Variants in TANC2 observed in about 807,000 individuals in gnomAD.
The protein encoded by TANC2 is tetratricopeptide repeat, ankyrin repeat and coiled-coil containing 2.
In TANC2, 26 loss-of-function variants were observed where a neutral mutation model predicts 210.5. The observed-to-expected ratio is 0.12, with a 90% CI of 0.09 to 0.17. The LOEUF (loss-of-function observed/expected upper bound fraction) is 0.17. Among genes scored for constraint, TANC2 ranks in the 10% least tolerant of loss-of-function variants. The pLI, the probability that TANC2 is intolerant of heterozygous loss-of-function variation, is 1.00. For missense variants in TANC2, 2,129 were observed against 2,608.9 expected (o/e 0.82, Z 4.01); for synonymous variants, 931 against 967.1 (o/e 0.96, Z 0.69).
chr17:63,401,198 C>T (rs890250652), intron 19 of TANC2, among the ~76,000 whole-genome samples: 3 of 152,254 alleles, frequency 2.0e-5, no homozygotes, highest in Admixed American at 6.5e-5. Context: ...AAATCCTATA[C>T]ATATTTTCAC....
In TANC2 at chr17:63,010,626, T is replaced by C. The variant is rs188259815; in HGVS notation, c.67+1000T>C. Among the ~76,000 whole-genome samples, 37 of 152,226 alleles carry C rather than the reference T, an allele frequency of 2.4e-4. No individual in the cohort carries two copies. In the East Asian group the frequency reaches 6.2e-3, roughly 25 times the overall value. ...GACTGCTTTCCACTTCAGACACCAA[T>C]TGCGTGTGGTGGATCCCCAGGTTAC... On this transcript the variant is annotated intron_variant, in intron 2 of 27. Coordinates refer to ENST00000689528, the Ensembl canonical transcript of TANC2.
chr17:63,315,785 G>A (rs1365856570), intron 10 of TANC2, among the ~76,000 whole-genome samples: 1 of 152,196 alleles, frequency 6.6e-6, no homozygotes, highest in East Asian at 1.9e-4. Context: ...TAGCAGCCTT[G>A]TATCATTAAG....
At chr17:62,993,719 G>A (rs2032977315) in intron 1 of TANC2, among the ~76,000 whole-genome samples, 1 of 152,110 alleles carries the variant, frequency 6.6e-6, no homozygotes, top group South Asian at 2.1e-4. Context: ...TTGAGGCCAG[G>A]AGTTTGAAAC....
chr17:63,203,658 G>A (rs2041606448), intron 7 of TANC2, among the ~76,000 whole-genome samples: 1 of 152,140 alleles, frequency 6.6e-6, no homozygotes, highest in African/African-American at 2.4e-5. Context: ...ATGGAAATAG[G>A]TGAAGTTTTG....
chr17:63,305,918 G>A (rs2044885679), intron 9 of TANC2, among the ~76,000 whole-genome samples: 1 of 152,222 alleles, frequency 6.6e-6, no homozygotes, highest in Admixed American at 6.5e-5. Context: ...GATAGCACAT[G>A]GTGGCAGGGT....
chr17:63,222,940 TACTC>T (rs1315992463), intron 7 of TANC2, among the ~76,000 whole-genome samples: 26 of 152,316 alleles, frequency 1.7e-4, no homozygotes, highest in African/African-American at 6.3e-4. Flanking sequence ...AATGGAAACT[TACTC>T]AGTGATGAAA....
chr17:62,994,392 A>G (rs1479360354), intron 1 of TANC2, among the ~76,000 whole-genome samples: 2 of 145,096 alleles, frequency 1.4e-5, no homozygotes, highest in Non-Finnish European at 3.0e-5. Flanking sequence ...GGGTTTTGCC[A>G]TGTTTGTCAG....
At chr17:63,175,403 T>C (rs2145602972) in intron 5 of TANC2, among the ~76,000 whole-genome samples, 1 of 152,108 alleles carries the variant, frequency 6.6e-6, no homozygotes, top group Middle Eastern at 3.4e-3. Context: ...GCTGTGTGCC[T>C]GTAGTCTCAG....
intron 14 of TANC2, among the ~76,000 whole-genome samples, chr17:63,365,453 G>GCCCT (rs1298731879): frequency 3.9e-5 from 6 of 152,076 alleles, no homozygotes; most frequent in Non-Finnish European, 7.4e-5. Flanking sequence ...CTCCCTTCTT[G>GCCCT]CCCTCTTCGA....
chr17:63,399,852 T>C (rs2048288752), intron 19 of TANC2, among the ~76,000 whole-genome samples: 1 of 152,228 alleles, frequency 6.6e-6, no homozygotes, highest in African/African-American at 2.4e-5. Context: ...CCTGACTTCT[T>C]TAACATCATG....
chr17:63,048,621 G>A (rs979900997), intron 2 of TANC2, among the ~76,000 whole-genome samples: 1 of 152,076 alleles, frequency 6.6e-6, no homozygotes, highest in African/African-American at 2.4e-5. Context: ...GTATGTGTGC[G>A]GCCTTATTTC....
intron 2 of TANC2, among the ~76,000 whole-genome samples, chr17:63,009,947 A>T (rs1346489370): frequency 6.6e-6 from 1 of 152,158 alleles, no homozygotes; most frequent in East Asian, 1.9e-4. Flanking sequence ...AAATTATTGC[A>T]ATCCTAGGCA....
chr17:63,406,856 C>A (rs1047625475), intron 21 of TANC2, among the ~76,000 whole-genome samples: 13 of 152,198 alleles, frequency 8.5e-5, no homozygotes, highest in African/African-American at 2.7e-4. Context: ...ATCACCTGTG[C>A]ATAACAGTGG....
chr17:63,163,846 T>C (rs2040111254), intron 5 of TANC2, among the ~76,000 whole-genome samples: 1 of 152,194 alleles, frequency 6.6e-6, no homozygotes, highest in South Asian at 2.1e-4. Flanking sequence ...AATCAGTAAA[T>C]ATAGTCCAAG....
At chr17:63,310,785 A>C (rs1020367343) in intron 9 of TANC2, among the ~76,000 whole-genome samples, 3 of 152,214 alleles carry the variant, frequency 2.0e-5, no homozygotes, top group Non-Finnish European at 4.4e-5. Flanking sequence ...AAGAATAATA[A>C]TACTACCCCG....
chr17:63,314,232 A>G (rs1567906722), intron 9 of TANC2, among the ~76,000 whole-genome samples, 156 bp from the exon 10 acceptor site: 1 of 152,214 alleles, frequency 6.6e-6, no homozygotes, highest in African/African-American at 2.4e-5. Flanking sequence ...GCTTATCTGT[A>G]TAGAATCAAC....
intron 2 of TANC2, among the ~76,000 whole-genome samples, chr17:63,035,800 C>T (rs1218736846): frequency 6.6e-6 from 1 of 152,192 alleles, no homozygotes; most frequent in Non-Finnish European, 1.5e-5. Flanking sequence ...TCCAGAGTAG[C>T]TGTACCCTTT....
chr17:63,153,816 C>G (rs182582657), intron 5 of TANC2: 1 of 152,174 alleles, frequency 6.6e-6, no homozygotes, highest in Non-Finnish European at 1.5e-5. Context: ...GAGAAATAGA[C>G]TTATATATTT....
chr17:63,313,341 T>C (rs1179768551), intron 9 of TANC2: 1 of 152,220 alleles, frequency 6.6e-6, no homozygotes, highest in Non-Finnish European at 1.5e-5. Context: ...TGATACGTCT[T>C]AGAGCTGCTC....
Sources: allele counts gnomAD v4.1 joint callset (sites outside exome capture counted in the v4.1 genomes callset), GRCh38; gene constraint gnomAD v4.1.1; transcripts MANE v1.5; gene names NCBI Gene and HGNC (gene_info 2026-07-23, HGNC 2026-07-21).